The following GABRG3 variants were observed in gnomAD, a reference collection of about 807,000 sequenced individuals.
GABRG3 encodes gamma-aminobutyric acid receptor subunit gamma-3.
In GABRG3, 25 loss-of-function variants were observed where a neutral mutation model predicts 48.8. The observed-to-expected ratio is 0.51, with a 90% CI of 0.37 to 0.72. GABRG3 has a LOEUF of 0.72. GABRG3 is among the 30% of genes least tolerant of loss of function. The probability of loss-of-function intolerance (pLI) is 0.00; values close to 1 mark genes in which losing one functional copy is unlikely to be tolerated. For missense variants in GABRG3, 394 were observed against 577.9 expected, an observed-to-expected ratio of 0.68 and a Z score of 3.26; for synonymous variants, 227 against 217.6, an observed-to-expected ratio of 1.04 and a Z score of -0.38.
At chr15:27,508,539 A>G (rs746857591) in intron 6 of GABRG3, among the ~76,000 whole-genome samples, 1 of 152,214 alleles carries the variant, frequency 6.6e-6, no homozygotes, top group Non-Finnish European at 1.5e-5. Flanking sequence ...ATCAAAGCAT[A>G]AATACACTCA....
At chr15:27,303,610 A>C (rs542672487) in intron 3 of GABRG3, among the ~76,000 whole-genome samples, 1 of 151,910 alleles carries the variant, frequency 6.6e-6, no homozygotes, top group South Asian at 2.1e-4. Flanking sequence ...AACGTATCCC[A>C]ACTCATTTTA....
At chr15:27,410,210 T>C (rs1324127309) in intron 5 of GABRG3, among the ~76,000 whole-genome samples, 1 of 152,228 alleles carries the variant, frequency 6.6e-6, no homozygotes, top group Non-Finnish European at 1.5e-5. Flanking sequence ...TTACGGTGGA[T>C]AACATTGATA....
At chr15:27,505,714 A>G (rs1275237026) in intron 6 of GABRG3, among the ~76,000 whole-genome samples, 1 of 152,260 alleles carries the variant, frequency 6.6e-6, no homozygotes, top group South Asian at 2.1e-4. Flanking sequence ...TTAATTAAGT[A>G]TATTAGCCTG....
intron 5 of GABRG3, among the ~76,000 whole-genome samples, chr15:27,412,142 A>G (rs1251694316): frequency 6.6e-6 from 1 of 152,056 alleles, no homozygotes; most frequent in East Asian, 1.9e-4. Context: ...TAAACTTTGT[A>G]TTTTGAGATA....
intron 3 of GABRG3, among the ~76,000 whole-genome samples, chr15:27,302,146 C>A (rs1442437156): frequency 1.3e-5 from 2 of 151,936 alleles, no homozygotes; most frequent in East Asian, 1.9e-4. Flanking sequence ...ATAGGATATT[C>A]TTTTATACTG....
At chr15:27,078,386 G>A (rs906265374) in intron 3 of GABRG3, among the ~76,000 whole-genome samples, 2 of 152,070 alleles carry the variant, frequency 1.3e-5, no homozygotes, top group Non-Finnish European at 2.9e-5. Context: ...ACCTTGTTTT[G>A]CTTTATTATT....
At chr15:27,498,996 G>T (rs1282792322) in intron 6 of GABRG3, among the ~76,000 whole-genome samples, 1 of 152,154 alleles carries the variant, frequency 6.6e-6, no homozygotes, top group Non-Finnish European at 1.5e-5. Flanking sequence ...CCAGCCTTTG[G>T]CTGTAATGTG....
At chr15:26,999,131 G>C (rs968934767) in intron 2 of GABRG3, among the ~76,000 whole-genome samples, 2 of 95,520 alleles carry the variant, frequency 2.1e-5, no homozygotes, top group African/African-American at 7.6e-5. Context: ...GAAAATATTT[G>C]AAAAAAAAAA....
chr15:27,536,214 A>C lies in GABRG3; in HGVS notation c.*3333A>C, dbSNP rs1218419012. 2 of 152,214 alleles carry C rather than the reference A, an allele frequency of 1.3e-5. No individual in the cohort carries two copies. The highest frequency in any genetic ancestry group is 2.4e-5 in the African/African-American group (1 of 41,432). The allele number at this position is 152,214 out of a possible 1,614,324, so 9.4% of individuals were successfully genotyped here. On this transcript the variant is annotated 3_prime_UTR_variant, in exon 10 of 10. Coordinates refer to ENST00000615808, the MANE Select transcript of GABRG3 (RefSeq NM_033223.5). ...CATTTCACATTAATGGAATTGGAGA[A>C]AAATGTCTCTTCAGAGCCTAGAAAG...
At chr15:27,108,808 T>C (rs1316696801) in intron 3 of GABRG3, among the ~76,000 whole-genome samples, 1 of 152,186 alleles carries the variant, frequency 6.6e-6, no homozygotes, top group Non-Finnish European at 1.5e-5. Context: ...ATTGACCCCT[T>C]TATCATGATG....
intron 5 of GABRG3, among the ~76,000 whole-genome samples, chr15:27,428,795 A>G (rs900628090): frequency 2.0e-5 from 3 of 152,210 alleles, no homozygotes; most frequent in African/African-American, 7.2e-5. Context: ...TCTTGAGTGA[A>G]AAAGCACACA....
intron 3 of GABRG3, among the ~76,000 whole-genome samples, chr15:27,308,303 T>TATATAAACATACGTTTATATATAAAC (rs1892797283): frequency 1.7e-5 from 2 of 120,570 alleles, no homozygotes; most frequent in Admixed American, 8.0e-5. Flanking sequence ...ATAAACATCA[T>TATATAAACATACGTTTATATATAAAC]ATAAACATAT....
At chr15:27,404,712 C>T (rs1305599523) in intron 5 of GABRG3, among the ~76,000 whole-genome samples, 3 of 152,216 alleles carry the variant, frequency 2.0e-5, no homozygotes, top group Non-Finnish European at 2.9e-5. Flanking sequence ...GTGTGACAGG[C>T]AGTCATCCAG....
rs890203835 is a variant in GABRG3 at position 27,530,179 on chromosome 15, G to T, written c.1122+2187G>T. On this transcript the variant is annotated intron_variant, in intron 9 of 9. Transcript: ENST00000615808. ...TGAACTGTCACATGTGTGGCCTGGG[G>T]CAAGCTGTTCCAATTGCTCTGTGCC... Among the ~76,000 whole-genome samples the T allele has an allele frequency of 3.3e-5, 5 of 152,204 alleles. No individual in the cohort carries two copies. The East Asian group carries it at 9.7e-4, about 29-fold the overall frequency.
At chr15:27,027,672 A>G (rs1439912234) in intron 3 of GABRG3, among the ~76,000 whole-genome samples, 3 of 152,184 alleles carry the variant, frequency 2.0e-5, no homozygotes, top group African/African-American at 2.4e-5. Flanking sequence ...GGGTAAAGTT[A>G]TATTTGTGGG....
At position 27,153,708 on chromosome 15, in the gene GABRG3, C is replaced by T. The variant is rs367745028; in HGVS notation, c.270+126887C>T. On this transcript the variant is annotated intron_variant, in intron 3 of 9. Coordinates refer to ENST00000615808, the MANE Select transcript of GABRG3 (RefSeq NM_033223.5). ...CTCAACGTATATATTTTTTCTGTTT[C>T]CTGGCTTCTTTCAGTATTTTCTCTT... Among the ~76,000 whole-genome samples, 4 of 151,912 alleles carry T rather than the reference C, an allele frequency of 2.6e-5. No homozygotes were observed. The East Asian group carries it at 5.8e-4, about 22-fold the overall frequency.
chr15:27,359,318 T>C (rs1380490658), intron 5 of GABRG3, among the ~76,000 whole-genome samples: 2 of 152,262 alleles, frequency 1.3e-5, no homozygotes, highest in African/African-American at 4.8e-5. Flanking sequence ...AAATGTTATG[T>C]CATTAAAAAT....
At chr15:27,181,440 G>C (rs1887929785) in intron 3 of GABRG3, among the ~76,000 whole-genome samples, 1 of 152,158 alleles carries the variant, frequency 6.6e-6, no homozygotes, top group African/African-American at 2.4e-5. Context: ...GCTGCAGATG[G>C]GGAAGGCTGT....
chr15:27,242,033 C>T (rs894658752), intron 3 of GABRG3, among the ~76,000 whole-genome samples: 4 of 152,152 alleles, frequency 2.6e-5, no homozygotes, highest in African/African-American at 2.4e-5. Context: ...CCACTGGAAC[C>T]CAGGTTTCTC....
Sources: gnomAD v4.1 joint callset for allele counts (sites outside exome capture counted in the v4.1 genomes callset) on GRCh38, gnomAD v4.1.1 for gene constraint, MANE v1.5 for transcripts, NCBI Gene and HGNC (gene_info 2026-07-23, HGNC 2026-07-21) for gene names.